The following TYW1 variants were observed in gnomAD, a reference collection of about 807,000 sequenced individuals.
TYW1 encodes tRNA-yW synthesizing protein 1 homolog, also known as S-adenosyl-L-methionine-dependent tRNA 4-demethylwyosine synthase TYW1.
TYW1 carries 46 observed loss-of-function variants against 96.2 expected under a neutral mutation model. The ratio of observed to expected loss-of-function variants is 0.48; its 90% confidence interval spans 0.38 to 0.61. The LOEUF is 0.61. Ranked by LOEUF, TYW1 falls within the 20% of genes least tolerant of loss-of-function variation. The pLI, the probability that TYW1 is intolerant of heterozygous loss-of-function variation, is 0.00. For synonymous variants in TYW1, 274 were observed against 323.0 expected, an observed-to-expected ratio of 0.85 and a Z score of 1.63; for missense variants, 684 against 909.6, an observed-to-expected ratio of 0.75 and a Z score of 3.19.
At position 67,050,039 on chromosome 7, in the gene TYW1, G is replaced by T. The variant is rs1407740185; in HGVS notation, c.1075G>T (p.Ala359Ser). The T allele has an allele frequency of 5.8e-5, 94 of 1,613,918 alleles. No homozygotes were observed. Among genetic ancestry groups the T allele is most frequent in the Non-Finnish European group, 7.9e-5 (93 of 1,179,978 alleles). ...DGERRAMITP[A>S]LREALTKQGY... ...TGAAAGAAGAGCTATGATAACTCCT[G>T]CTCTCCGAGAAGCCCTTACTAAACA... is the stretch of plus-strand genomic sequence containing the variant. Residue 359 changes from alanine to serine, a missense_variant, in exon 8 of 16, where the codon GCT becomes TCT. Coordinates refer to ENST00000359626, the MANE Select transcript of TYW1 (RefSeq NM_018264.4).
At chr7:67,052,633 C>T (rs1214459540) in intron 8 of TYW1, among the ~76,000 whole-genome samples, 2 of 152,166 alleles carry the variant, frequency 1.3e-5, no homozygotes, top group South Asian at 2.1e-4. Context: ...TTTTTTCCCT[C>T]ATTCGTCATG....
chr7:67,135,607 GTT>G (rs68006255), intron 13 of TYW1, among the ~76,000 whole-genome samples: 35,638 of 145,986 alleles, frequency 0.24, 4,399 homozygotes, highest in African/African-American at 0.31. Context: ...CCAGCCAACA[GTT>G]TTTTTTTTTT....
chr7:67,176,012 T>C (rs1484682856), intron 13 of TYW1, among the ~76,000 whole-genome samples: 5 of 152,178 alleles, frequency 3.3e-5, no homozygotes, highest in Admixed American at 3.3e-4. Flanking sequence ...TTTCCAAAAT[T>C]TGTAATTATT....
intron 13 of TYW1, among the ~76,000 whole-genome samples, chr7:67,172,689 CT>C (rs1354739453): frequency 6.6e-6 from 1 of 152,192 alleles, no homozygotes; most frequent in Non-Finnish European, 1.5e-5. Context: ...TCCCAGAGTG[CT>C]GGGGTTATAG....
intron 11 of TYW1, among the ~76,000 whole-genome samples, chr7:67,095,158 C>G (rs1584553539): frequency 1.3e-5 from 2 of 152,010 alleles, no homozygotes; most frequent in African/African-American, 4.8e-5. Context: ...ACCACCACGC[C>G]TGGCTAATTT....
intron 15 of TYW1, among the ~76,000 whole-genome samples, chr7:67,229,400 G>A (rs188085309): frequency 4.8e-4 from 73 of 151,606 alleles, no homozygotes; most frequent in African/African-American, 6.5e-4. Flanking sequence ...TAGCTGGGCC[G>A]TGGTGGGGCA....
In TYW1 at chr7:67,167,656, A is replaced by T. The variant is rs1349379824; in HGVS notation, c.1699-15470A>T. Among the ~76,000 whole-genome samples, 3 of 151,858 alleles carry T rather than the reference A, an allele frequency of 2.0e-5. No homozygotes were observed. The East Asian group carries it at 5.8e-4, about 29-fold the overall frequency. On this transcript the variant is annotated intron_variant, in intron 13 of 15. Transcript: ENST00000359626. ...TTGATTCAATGCTGTTTATTTTTTT[A>T]AAAAACAATCCTTTCCTGCCCTGTT...
intron 13 of TYW1, among the ~76,000 whole-genome samples, chr7:67,160,075 T>TA (rs1799114518): frequency 6.6e-6 from 1 of 152,186 alleles, no homozygotes; most frequent in Admixed American, 6.5e-5. Flanking sequence ...GTGCTGGGAT[T>TA]ACAGACATGA....
chr7:67,058,003 C>T (rs551453629), intron 9 of TYW1, among the ~76,000 whole-genome samples: 19 of 152,152 alleles, frequency 1.2e-4, no homozygotes, highest in Non-Finnish European at 2.1e-4. Flanking sequence ...GAAGCTTCGT[C>T]GGCTCACTGC....
In TYW1 at chr7:67,231,930, TA is replaced by T. The variant is rs1232671555; in HGVS notation, c.1978-6368del. Among the ~76,000 whole-genome samples, 17 of 150,306 alleles carry T rather than the reference TA, an allele frequency of 1.1e-4. No individual in the cohort carries two copies. In the South Asian group the frequency reaches 3.2e-3, roughly 28 times the overall value. On this transcript the variant is annotated intron_variant, in intron 15 of 15. Coordinates refer to ENST00000359626, the MANE Select transcript of TYW1 (RefSeq NM_018264.4). ...GTCTTATGGACTAGTTCTTTAATAT[TA>T]AAAAAAAAATCTTTTTTGTCAGGTG...
intron 10 of TYW1, among the ~76,000 whole-genome samples, chr7:67,079,383 A>G (rs1426391134): frequency 2.0e-5 from 3 of 151,694 alleles, no homozygotes; most frequent in Non-Finnish European, 4.4e-5. Context: ...AGGTTTTCCA[A>G]TTTGTTGGTG....
rs915535288 is a variant in TYW1, at chr7:67,049,415, T to TA, written c.985-533dup. ...GGATATGTATGTTTGAGTATATAGT[T>TA]ACTTAACAAAAGAGCATCCTGGCAT... On this transcript the variant is annotated intron_variant, in intron 7 of 15. Coordinates refer to ENST00000359626, the MANE Select transcript of TYW1 (RefSeq NM_018264.4). 1.2e-4 allele frequency among the ~76,000 whole-genome samples: 18 copies of TA among 152,314 alleles called. No individual in the cohort carries two copies. The East Asian group carries it at 3.5e-3, about 29-fold the overall frequency.
chr7:67,031,085 C>T (rs1478128143), intron 7 of TYW1, among the ~76,000 whole-genome samples: 6 of 128,588 alleles, frequency 4.7e-5, no homozygotes, highest in African/African-American at 8.9e-5. Context: ...CCCAGCTACT[C>T]GGGAGGCTGA....
chr7:67,060,348 A>C (rs185053108), intron 9 of TYW1, among the ~76,000 whole-genome samples: 31 of 152,380 alleles, frequency 2.0e-4, no homozygotes, highest in Non-Finnish European at 4.3e-4. Flanking sequence ...AGGTGGGATT[A>C]TAGGCATGAG....
intron 15 of TYW1, among the ~76,000 whole-genome samples, chr7:67,216,997 A>G (rs562474729): frequency 4.7e-5 from 7 of 150,194 alleles, no homozygotes; most frequent in East Asian, 3.9e-4. Flanking sequence ...AATTTTATCA[A>G]TACTCTGAGT....
At position 67,238,825 on chromosome 7, in the gene TYW1, T is replaced by C; in HGVS notation, c.*296T>C. On this transcript the variant is annotated 3_prime_UTR_variant, in exon 16 of 16. Transcript: ENST00000359626. ...TTAGAATTTATCTGATGGTTTTGTA[T>C]TATAACTTGTAAGACCTGCCAGAAT... 8.3e-7 allele frequency: 1 copy of C among 1,206,184 alleles called. No individual in the cohort carries two copies. The allele number at this position is 1,206,184 out of a possible 1,614,324, so 74.7% of individuals were successfully genotyped here.
intron 11 of TYW1, among the ~76,000 whole-genome samples, chr7:67,087,849 A>C (rs73134293): frequency 0.066 from 10,000 of 151,860 alleles, 533 homozygotes; most frequent in East Asian, 0.31. Flanking sequence ...TTTTCTTTTT[A>C]TTTTATTTTA....
chr7:67,100,850 C>CAAAAAAAAAAAA (rs57665696), intron 12 of TYW1, among the ~76,000 whole-genome samples: 1 of 75,624 alleles, frequency 1.3e-5, no homozygotes. Flanking sequence ...GGCTACAGAG[C>CAAAAAAAAAAAA]AAAAAAAAAA....
chr7:67,048,896 C>T (rs1795273568), intron 7 of TYW1, among the ~76,000 whole-genome samples: 1 of 152,248 alleles, frequency 6.6e-6, no homozygotes, highest in Non-Finnish European at 1.5e-5. Context: ...TGCCTGTAGT[C>T]CCAGCTACTT....
Sources: allele counts gnomAD v4.1 joint callset (sites outside exome capture counted in the v4.1 genomes callset), GRCh38; gene constraint gnomAD v4.1.1; transcripts MANE v1.5; gene names NCBI Gene and HGNC (gene_info 2026-07-23, HGNC 2026-07-21).